Variants in MCPH1 observed in about 807,000 individuals in gnomAD.
MCPH1 encodes microcephalin 1.
In MCPH1, 104 loss-of-function variants were observed where a neutral mutation model predicts 84.5. The ratio of observed to expected loss-of-function variants is 1.23; its 90% CI spans 1.05 to 1.45. The LOEUF (loss-of-function observed/expected upper bound fraction) is 1.45. MCPH1 is among the 40% of genes most tolerant of loss of function. The probability of loss-of-function intolerance (pLI) is 0.00; values close to 1 mark genes in which losing one functional copy is unlikely to be tolerated. For synonymous variants in MCPH1, 514 were observed against 366.8 expected (o/e 1.40, Z -4.58); for missense variants, 1,498 against 1,005.7 (o/e 1.49, Z -6.62).
At chr8:6,551,908 G>C (rs1046138353) in intron 12 of MCPH1, among the ~76,000 whole-genome samples, 1 of 152,162 alleles carries the variant, frequency 6.6e-6, no homozygotes, top group Non-Finnish European at 1.5e-5. Flanking sequence ...AGCTACATCT[G>C]TATGTAATAA....
chr8:6,504,641 G>C (rs1265573401), intron 12 of MCPH1, among the ~76,000 whole-genome samples: 1 of 152,156 alleles, frequency 6.6e-6, no homozygotes, highest in Non-Finnish European at 1.5e-5. Context: ...AAGTGAAAAG[G>C]TGAAAGTTCC....
intron 9 of MCPH1, among the ~76,000 whole-genome samples, chr8:6,465,352 G>T (rs1487187068): frequency 6.6e-6 from 1 of 152,194 alleles, no homozygotes; most frequent in Non-Finnish European, 1.5e-5. Flanking sequence ...ACTTCCCGCG[G>T]AGCTGTTCAC....
intron 9 of MCPH1, among the ~76,000 whole-genome samples, chr8:6,469,735 AC>A (rs1254704040): frequency 6.6e-6 from 1 of 152,246 alleles, no homozygotes; most frequent in Non-Finnish European, 1.5e-5. Flanking sequence ...CACTAATAAA[AC>A]GGGTATATCT....
chr8:6,455,359 C>G (rs2515575), intron 9 of MCPH1, 107 bp downstream of exon 9: 1 of 824,888 alleles, frequency 1.2e-6, no homozygotes, highest in Non-Finnish European at 2.0e-6. Context: ...GTCTTTTATT[C>G]TAAAAAATTG....
At chr8:6,559,523 G>A (rs1385113224) in intron 12 of MCPH1, among the ~76,000 whole-genome samples, 4 of 151,642 alleles carry the variant, frequency 2.6e-5, no homozygotes, top group Non-Finnish European at 4.4e-5. Context: ...AACAAAAAAC[G>A]ATGGCAGAGG....
intron 12 of MCPH1, among the ~76,000 whole-genome samples, chr8:6,601,774 C>G (rs1462520744): frequency 1.3e-5 from 2 of 151,258 alleles, no homozygotes; most frequent in Non-Finnish European, 3.0e-5. Flanking sequence ...CACACCCAAT[C>G]ACGTACCACA....
At chr8:6,626,996 AAAG>A (rs1450571405) in intron 13 of MCPH1, 2 of 984,866 alleles carry the variant, frequency 2.0e-6, no homozygotes, top group East Asian at 2.3e-4. Context: ...AAAAAAAAAA[AAAG>A]TTTAGCCTCC....
At chr8:6,436,481 T>C (rs1802654619) in intron 5 of MCPH1, among the ~76,000 whole-genome samples, 1 of 152,186 alleles carries the variant, frequency 6.6e-6, no homozygotes, top group Admixed American at 6.5e-5. Flanking sequence ...ATTTATTTCT[T>C]CTTTATATAT....
chr8:6,459,271 C>T (rs890048102), intron 9 of MCPH1, among the ~76,000 whole-genome samples: 13 of 131,256 alleles, frequency 9.9e-5, no homozygotes, highest in African/African-American at 3.9e-4. Flanking sequence ...GAACTTAACA[C>T]GGCCTTTTTT....
chr8:6,514,879 G>T, intron 12 of MCPH1: 1 of 952,484 alleles, frequency 1.0e-6, no homozygotes, highest in Non-Finnish European at 1.6e-6. Context: ...GGACTCAGCC[G>T]AGAGGGTTCT....
intron 9 of MCPH1, among the ~76,000 whole-genome samples, chr8:6,465,179 C>T (rs1236475416): frequency 6.6e-5 from 10 of 152,098 alleles, no homozygotes; most frequent in East Asian, 5.8e-4. Flanking sequence ...CTAGAAATAT[C>T]CAATTAATCT....
chr8:6,407,075 C>A (rs949051941), intron 1 of MCPH1: 5 of 340,912 alleles, frequency 1.5e-5, no homozygotes, highest in South Asian at 1.2e-4. Flanking sequence ...CCCGCCTTTC[C>A]CCCTACCTGC....
Position 6,643,470 on chromosome 8 carries a change from G to T in MCPH1, c.*421G>T, listed in dbSNP as rs1295354176. On this transcript the variant is annotated 3_prime_UTR_variant, in exon 14 of 14. Coordinates refer to ENST00000344683, the MANE Select transcript of MCPH1 (RefSeq NM_024596.5). The stretch of plus-strand genomic sequence containing the variant: ...AGTAGAGACAGGGTTTCGCCATGTT[G>T]GCCAGGCTGGTCTCAAACGCCTGAG... 1 of 235,142 alleles carries T rather than the reference G, an allele frequency of 4.3e-6. No homozygotes were observed. The highest frequency in any genetic ancestry group is 2.3e-5 in the African/African-American group (1 of 43,328). The allele number at this position is 235,142 out of a possible 1,614,324, so 14.6% of individuals were successfully genotyped here.
intron 6 of MCPH1, 61 bp downstream of exon 6, chr8:6,439,157 G>A (rs1585769583): frequency 6.6e-7 from 1 of 1,523,816 alleles, no homozygotes; most frequent in Non-Finnish European, 9.0e-7. Context: ...ATGGTGGAAA[G>A]CTTCTTTTTT....
intron 12 of MCPH1, among the ~76,000 whole-genome samples, chr8:6,574,171 T>A (rs931053841): frequency 3.3e-5 from 5 of 152,232 alleles, no homozygotes; most frequent in Admixed American, 6.5e-5. Flanking sequence ...CGGTACAATG[T>A]GCCACAAACC....
At chr8:6,577,652 A>T (rs1270439805) in intron 12 of MCPH1, among the ~76,000 whole-genome samples, 1 of 152,254 alleles carries the variant, frequency 6.6e-6, no homozygotes, top group Non-Finnish European at 1.5e-5. Flanking sequence ...GAATAATTTT[A>T]TATGCCACAA....
intron 12 of MCPH1, among the ~76,000 whole-genome samples, chr8:6,607,218 C>T (rs1829854170): frequency 6.6e-6 from 1 of 152,180 alleles, no homozygotes; most frequent in African/African-American, 2.4e-5. Context: ...AGGAAAGGAA[C>T]ATCCTTGTCT....
chr8:6,622,594 G>C (rs974670686), intron 13 of MCPH1, among the ~76,000 whole-genome samples: 2 of 152,180 alleles, frequency 1.3e-5, no homozygotes, highest in Non-Finnish European at 2.9e-5. Context: ...AGGCTGGGTG[G>C]CTTCAAACAA....
chr8:6,555,710 G>A (rs138827599), intron 12 of MCPH1, among the ~76,000 whole-genome samples: 13 of 152,150 alleles, frequency 8.5e-5, no homozygotes, highest in Non-Finnish European at 1.5e-4. Flanking sequence ...CGACCCACCC[G>A]CTTCGGCCTC....
Sources: allele counts gnomAD v4.1 joint callset (sites outside exome capture counted in the v4.1 genomes callset), GRCh38; gene constraint gnomAD v4.1.1; transcripts MANE v1.5; gene names NCBI Gene and HGNC (gene_info 2026-07-23, HGNC 2026-07-21).